The following UGT1A5 variants were observed in gnomAD, a reference collection of about 807,000 sequenced individuals.
UGT1A5 encodes the protein UDP-glucuronosyltransferase 1A5.
Under a neutral mutation model 40.3 loss-of-function variants are expected in UGT1A5, and 29 were observed. The observed-to-expected ratio is 0.72, with a 90% CI of 0.54 to 0.98. UGT1A5 has a LOEUF of 0.98. Ranked by LOEUF, UGT1A5 falls within the 50% of genes least tolerant of loss-of-function variation. The pLI is 0.00. For synonymous variants in UGT1A5, 257 were observed against 262.5 expected, an observed-to-expected ratio of 0.98 and a Z score of 0.20; for missense variants, 678 against 677.9, an observed-to-expected ratio of 1.00 and a Z score of 0.00.
Position 233,748,142 on chromosome 2 carries a change from T to C in UGT1A5, c.868-18892T>C, listed in dbSNP as rs189249427. 1.9e-6 allele frequency: 3 copies of C among 1,607,776 alleles called. No homozygotes were observed. In the East Asian group the frequency reaches 6.7e-5, roughly 36 times the overall value. On this transcript the variant is annotated intron_variant, in intron 1 of 4. Coordinates refer to ENST00000373414, the MANE Select transcript of UGT1A5 (RefSeq NM_019078.2). ...CAAAACAGTTTTTAAAAATTGTATT[T>C]ACTTACAATTGCTTCCATATCTACT...
intron 1 of UGT1A5, among the ~76,000 whole-genome samples, chr2:233,745,444 A>G (rs1693107566): frequency 6.6e-6 from 1 of 151,758 alleles, no homozygotes; most frequent in Non-Finnish European, 1.5e-5. Flanking sequence ...ATACACTAGT[A>G]AAGGTCACTC....
rs59292838 is a variant in UGT1A5, at chr2:233,748,466, A to G, written c.868-18568A>G. On this transcript the variant is annotated intron_variant, in intron 1 of 4. Transcript: ENST00000373414. ...ACAATTTTCAGGGGAAAGATGATGC[A>G]ACAGCAAATTACAATTGTTAATGTG... is the stretch of plus-strand genomic sequence containing the variant. Among the ~76,000 whole-genome samples, 894 of 151,982 alleles carry G rather than the reference A, an allele frequency of 5.9e-3. 32 individuals carry two copies. The highest frequency in any genetic ancestry group is 0.021 in the African/African-American group (860 of 41,252).
At chr2:233,739,569 GT>G (rs1056417236) in intron 1 of UGT1A5, among the ~76,000 whole-genome samples, 1 of 152,220 alleles carries the variant, frequency 6.6e-6, no homozygotes, top group Non-Finnish European at 1.5e-5. Flanking sequence ...GCCCTGCCTG[GT>G]TTTGGACTTG....
chr2:233,755,109 T>C, intron 1 of UGT1A5: 1 of 1,333,450 alleles, frequency 7.5e-7, no homozygotes, highest in Non-Finnish European at 1.0e-6. Flanking sequence ...CGACAACACC[T>C]CGTAGGCCTC....
At chr2:233,718,263 G>A (rs889677114) in intron 1 of UGT1A5, among the ~76,000 whole-genome samples, 4 of 152,166 alleles carry the variant, frequency 2.6e-5, no homozygotes, top group African/African-American at 9.7e-5. Context: ...ATATCCTGGT[G>A]TGAAAAAAGA....
At position 233,713,867 on chromosome 2, in the gene UGT1A5, T is replaced by C. The variant is rs2076352815; in HGVS notation, c.867+9T>C. ...GGAAGCCACTATCTCAGGTCTGTAT[T>C]GGTGCCTTTATCCAATCAATGTTCC... On this transcript the variant is annotated intron_variant, in intron 1 of 4. Coordinates refer to ENST00000373414, the MANE Select transcript of UGT1A5 (RefSeq NM_019078.2). The C allele has an allele frequency of 1.2e-6, 2 of 1,613,882 alleles. No homozygotes were observed. Among genetic ancestry groups the C allele is most frequent in the Non-Finnish European group, 1.7e-6 (2 of 1,179,950 alleles).
chr2:233,718,719 G>A, intron 1 of UGT1A5: 6 of 1,609,316 alleles, frequency 3.7e-6, no homozygotes, highest in Non-Finnish European at 5.1e-6. Context: ...ATTACATGCT[G>A]ATTTGCTAGG....
intron 1 of UGT1A5, among the ~76,000 whole-genome samples, chr2:233,728,112 T>C (rs892506440): frequency 1.3e-5 from 2 of 152,198 alleles, no homozygotes; most frequent in African/African-American, 2.4e-5. Flanking sequence ...TAATTCTCCA[T>C]CTTGAAATTT....
At chr2:233,767,618 CA>C (rs1300150978) in intron 2 of UGT1A5, among the ~76,000 whole-genome samples, 2 of 152,178 alleles carry the variant, frequency 1.3e-5, no homozygotes, top group Non-Finnish European at 2.9e-5. Flanking sequence ...CCTAAGTGCA[CA>C]GCTTGATAAA....
At chr2:233,751,721 A>G (rs1455896739) in intron 1 of UGT1A5, among the ~76,000 whole-genome samples, 3 of 152,224 alleles carry the variant, frequency 2.0e-5, no homozygotes, top group African/African-American at 7.2e-5. Context: ...CTCACAAGTG[A>G]ACTCTTCCTC....
intron 1 of UGT1A5, among the ~76,000 whole-genome samples, chr2:233,742,134 C>G (rs1691883024): frequency 6.6e-6 from 1 of 151,870 alleles, no homozygotes; most frequent in African/African-American, 2.4e-5. Flanking sequence ...AGACCCTAAC[C>G]CAGCAGCGCT....
intron 1 of UGT1A5, among the ~76,000 whole-genome samples, chr2:233,751,378 C>A (rs1694710024): frequency 2.0e-5 from 3 of 152,054 alleles, no homozygotes; most frequent in Non-Finnish European, 2.9e-5. Context: ...AAGGGACTTG[C>A]CTTGTCTCAG....
In UGT1A5 at chr2:233,769,723, C is replaced by G. The variant is rs1318643454; in HGVS notation, c.1307+1284C>G. On this transcript the variant is annotated intron_variant, in intron 4 of 4. Coordinates refer to ENST00000373414, the MANE Select transcript of UGT1A5 (RefSeq NM_019078.2). This position sits in a 1 kb window ranked among gnomAD's most constrained non-coding sequence, Gnocchi z 4.4. ...GATCAATGTTGGCTAGGCACCATGG[C>G]ACACGCCTGTAGTCCCAGCCACTCT... The G allele has an allele frequency of 3.1e-5, 46 of 1,484,642 alleles. No individual in the cohort carries two copies. The Middle Eastern group carries it at 1.2e-3, about 39-fold the overall frequency. 92.0% of individuals were successfully genotyped at this position (1,484,642 alleles called of 1,614,324 possible).
intron 1 of UGT1A5, chr2:233,743,590 T>C: frequency 1.5e-6 from 2 of 1,367,294 alleles, no homozygotes; most frequent in South Asian, 1.1e-5. Context: ...CAAAGGAGAA[T>C]GGGTCCTGGC....
At chr2:233,737,333 A>G (rs1343218207) in intron 1 of UGT1A5, among the ~76,000 whole-genome samples, 1 of 152,246 alleles carries the variant, frequency 6.6e-6, no homozygotes, top group Non-Finnish European at 1.5e-5. Context: ...AGCAGTGAGC[A>G]AGGCTCCGTG....
At chr2:233,730,757 G>C (rs2125758007) in intron 1 of UGT1A5, among the ~76,000 whole-genome samples, 1 of 152,258 alleles carries the variant, frequency 6.6e-6, no homozygotes, top group East Asian at 1.9e-4. Flanking sequence ...AGATAAGACT[G>C]TGAATCTATA....
At chr2:233,739,594 G>T (rs1253560976) in intron 1 of UGT1A5, among the ~76,000 whole-genome samples, 1 of 152,200 alleles carries the variant, frequency 6.6e-6, no homozygotes, top group East Asian at 1.9e-4. Flanking sequence ...GGGGCCTATA[G>T]CCCCTTTGTT....
At chr2:233,728,129 G>A (rs554109385) in intron 1 of UGT1A5, among the ~76,000 whole-genome samples, 1 of 152,318 alleles carries the variant, frequency 6.6e-6, no homozygotes, top group South Asian at 2.1e-4. Context: ...ATTTGGACTA[G>A]GGCCCCCACA....
At chr2:233,735,430 A>G (rs2125793200) in intron 1 of UGT1A5, among the ~76,000 whole-genome samples, 1 of 152,196 alleles carries the variant, frequency 6.6e-6, no homozygotes, top group East Asian at 1.9e-4. Context: ...GGCCTCCTGA[A>G]TACAGCATAC....
Sources: allele counts gnomAD v4.1 joint callset (sites outside exome capture counted in the v4.1 genomes callset), GRCh38; gene constraint gnomAD v4.1.1; non-coding constraint Gnocchi (gnomAD v3.1); transcripts MANE v1.5; gene names NCBI Gene and HGNC (gene_info 2026-07-23, HGNC 2026-07-21).